GJA5: variants seen among roughly 807,000 people sequenced by gnomAD.
GJA5 encodes gap junction alpha-5 protein.
In GJA5, 3 loss-of-function variants were observed where a neutral mutation model predicts 7.9. The observed-to-expected ratio is 0.38, with a 90% CI of 0.17 to 0.99. The LOEUF is 0.99. Among genes scored for constraint, GJA5 ranks in the 50% least tolerant of loss-of-function variants. The pLI is 0.38. For missense variants in GJA5, 390 were observed against 457.9 expected (o/e 0.85, Z 1.35); for synonymous variants, 193 against 181.0 (o/e 1.07, Z -0.53).
intron 1 of GJA5, among the ~76,000 whole-genome samples, chr1:147,768,492 G>A (rs1218518093): frequency 6.6e-6 from 1 of 152,022 alleles, no homozygotes; most frequent in African/African-American, 2.4e-5. Flanking sequence ...TGCTCCAAGG[G>A]GGTAACTTAG....
At position 147,759,185 on chromosome 1, in the gene GJA5, C is replaced by T. The variant is rs1426951446; in HGVS notation, c.54G>A (p.Ser18=). Residue 18 remains serine, a synonymous_variant, in exon 2 of 2, where the codon TCG becomes TCA. Transcript: ENST00000579774. ...GNFLEEVHKH[S]TVVGKVWLTV... ...TGAGCCAGACCTTGCCTACCACGGT[C>T]GAGTGCTTGTGTACTTCCTCCAGGA... 1.2e-6 allele frequency: 2 copies of T among 1,614,108 alleles called. No individual in the cohort carries two copies. The highest frequency in any genetic ancestry group is 8.5e-7 in the Non-Finnish European group (1 of 1,179,998).
intron 1 of GJA5, among the ~76,000 whole-genome samples, chr1:147,760,268 T>C (rs964402978): frequency 7.9e-5 from 12 of 152,194 alleles, no homozygotes; most frequent in African/African-American, 2.7e-4. Context: ...CTCCCTCATC[T>C]GGCCTTTGTC....
chr1:147,762,668 G>T (rs1296045031), upstream of GJA5, among the ~76,000 whole-genome samples: 1 of 152,186 alleles, frequency 6.6e-6, no homozygotes, highest in Non-Finnish European at 1.5e-5. Context: ...ATGACTTCCT[G>T]CTGACGCTCA....
At chr1:147,767,566 T>TA (rs1253811174) in intron 1 of GJA5, among the ~76,000 whole-genome samples, 1 of 149,830 alleles carries the variant, frequency 6.7e-6, no homozygotes, top group Non-Finnish European at 1.5e-5. Flanking sequence ...TTTTGTTATT[T>TA]TTTTTTTTTT....
In GJA5 at chr1:147,771,092, C is replaced by T. The variant is rs75381734; in HGVS notation, c.-34+2160G>A. Among the ~76,000 whole-genome samples the T allele has an allele frequency of 8.3e-3, 1,262 of 152,306 alleles. 3 individuals are homozygous for T. Among genetic ancestry groups the T allele is most frequent in the Non-Finnish European group, 0.014 (950 of 68,038 alleles). On this transcript the variant is annotated intron_variant, in intron 1 of 1. Transcript: ENST00000430508. ...CCTGTCCCTGAAAACGGCAGGTCAT[C>T]CAGTTCCTGTCCTGATTGATCCACA...
chr1:147,758,868 TCG>T lies in GJA5; in HGVS notation c.369_370del (p.Tyr123Ter), dbSNP rs782626477. On this transcript the variant is annotated stop_gained and frameshift_variant, in exon 2 of 2. Transcript: ENST00000579774. LOFTEE classifies it low-confidence loss of function (END_TRUNC). The stretch of plus-strand genomic sequence containing the variant: ...TTCTGCCTTCTCTGCCACCGGGTAC[TCG>T]TAAGAGCCAGAGCCCCGGACCTCTT... The T allele has an allele frequency of 3.1e-6, 5 of 1,614,218 alleles. No homozygotes were observed. Among genetic ancestry groups the T allele is most frequent in the Non-Finnish European group, 4.2e-6 (5 of 1,180,024 alleles).
rs1557941135 is a variant in GJA5 at position 147,756,909 on chromosome 1, G to A, written c.*1253C>T. The A allele has an allele frequency of 6.6e-6, 1 of 152,224 alleles. No homozygotes were observed. Among genetic ancestry groups the A allele is most frequent in the East Asian group, 1.9e-4 (1 of 5,160 alleles). The allele number at this position is 152,224 out of a possible 1,614,324, so 9.4% of individuals were successfully genotyped here. On this transcript the variant is annotated 3_prime_UTR_variant, in exon 2 of 2. Transcript: ENST00000579774. The stretch of plus-strand genomic sequence containing the variant: ...TCATTAGGGGCACTAGGGAGACATA[G>A]GAATCTCTGCGCTCTTTAAATAAAG...
rs1663859146 is a variant in GJA5 at position 147,758,870 on chromosome 1, G to GT, written c.368dup (p.Tyr123Ter). ...RAKEVRGSGS[Y>*]EYPVAEKAEL... ...CTGCCTTCTCTGCCACCGGGTACTC[G>GT]TAAGAGCCAGAGCCCCGGACCTCTT... The change falls in exon 2 of 2, where the codon TAC (tyrosine) becomes TAAC (stop). Residue 123 changes from tyrosine to a stop codon, truncating the protein, a stop_gained and frameshift_variant. Transcript: ENST00000579774. LOFTEE classifies it low-confidence loss of function (END_TRUNC). The GT allele has an allele frequency of 7.4e-6, 12 of 1,614,156 alleles. No individual in the cohort carries two copies. The highest frequency in any genetic ancestry group is 9.3e-6 in the Non-Finnish European group (11 of 1,180,012).
intron 1 of GJA5, among the ~76,000 whole-genome samples, chr1:147,766,933 G>T (rs1664225066): frequency 6.6e-6 from 1 of 152,182 alleles, no homozygotes; most frequent in Admixed American, 6.5e-5. Flanking sequence ...GGCTGCCTGA[G>T]AAATAGTATC....
At chr1:147,766,666 C>G (rs1319977987) in intron 1 of GJA5, among the ~76,000 whole-genome samples, 1 of 152,200 alleles carries the variant, frequency 6.6e-6, no homozygotes, top group Non-Finnish European at 1.5e-5. Context: ...GGAACTTATC[C>G]AAGCTTGTCA....
At chr1:147,760,201 C>G (rs1663944613) in intron 1 of GJA5, among the ~76,000 whole-genome samples, 2 of 152,176 alleles carry the variant, frequency 1.3e-5, no homozygotes, top group South Asian at 4.1e-4. Flanking sequence ...ACACACAGAT[C>G]TGCCCACCCT....
At chr1:147,766,345 C>T (rs1328355215) in intron 1 of GJA5, among the ~76,000 whole-genome samples, 1 of 152,122 alleles carries the variant, frequency 6.6e-6, no homozygotes, top group Admixed American at 6.5e-5. Context: ...TTAGGTCTCT[C>T]AAAACACCTA....
chr1:147,766,951 T>TG (rs1276003223), intron 1 of GJA5, among the ~76,000 whole-genome samples: 1 of 152,218 alleles, frequency 6.6e-6, no homozygotes, highest in Non-Finnish European at 1.5e-5. Context: ...ATCATATCAG[T>TG]GCAGTTTAGT....
At chr1:147,772,886 G>T (rs1664466104) in intron 1 of GJA5, among the ~76,000 whole-genome samples, 1 of 151,848 alleles carries the variant, frequency 6.6e-6, no homozygotes, top group African/African-American at 2.4e-5. Flanking sequence ...AACAGTGTTG[G>T]TTTTATTTTT....
chr1:147,765,376 T>G (rs1003449598), upstream of GJA5, among the ~76,000 whole-genome samples: 3 of 152,210 alleles, frequency 2.0e-5, no homozygotes, highest in Admixed American at 6.5e-5. Context: ...TTCCAGAGTT[T>G]CTGTTCAAGT....
upstream of GJA5, among the ~76,000 whole-genome samples, chr1:147,760,998 C>G (rs1663986730): frequency 6.6e-6 from 1 of 152,146 alleles, no homozygotes; most frequent in Non-Finnish European, 1.5e-5. Context: ...TCACTTAGCC[C>G]CACCGCTTCC....
In GJA5 at chr1:147,768,623, A is replaced by T. The variant is rs189650290; in HGVS notation, c.-34+4629T>A. Among the ~76,000 whole-genome samples the T allele has an allele frequency of 2.8e-4, 43 of 152,294 alleles. 1 individual carries two copies. In the East Asian group the frequency reaches 6.4e-3, roughly 23 times the overall value. On this transcript the variant is annotated intron_variant, in intron 1 of 1. Transcript: ENST00000430508. ...CGGAATGTAGAGATCAATCAAACTC[A>T]ACTCCTTATTTTTAAACAAGATGAC...
At position 147,759,016 on chromosome 1, in the gene GJA5, T is replaced by C; in HGVS notation, c.223A>G (p.Ile75Val). The change falls in exon 2 of 2, where the codon ATT becomes GTT. Residue 75 changes from isoleucine to valine, a missense_variant. This residue lies in a region of GJA5 where 354 missense variants were observed against 370.9 expected (regional missense o/e 0.95). Coordinates refer to ENST00000579774, the MANE Select transcript of GJA5 (RefSeq NM_181703.4). ...CYDQAFPISH[I>V]RYWVLQIIFV... The stretch of plus-strand genomic sequence containing the variant: ...ATGATCTGCAGCACCCAGTAGCGAA[T>C]GTGGGAGATGGGGAAAGCCTGGTCG... The C allele has an allele frequency of 6.2e-7, 1 of 1,614,168 alleles. No homozygotes were observed. Among genetic ancestry groups the C allele is most frequent in the Non-Finnish European group, 8.5e-7 (1 of 1,180,018 alleles).
chr1:147,763,198 T>C (rs1664083015), upstream of GJA5, among the ~76,000 whole-genome samples: 1 of 152,234 alleles, frequency 6.6e-6, no homozygotes, highest in Admixed American at 6.5e-5. Context: ...TTTTTAAAAT[T>C]CATTTAATAC....
Sources: gnomAD v4.1 joint callset for allele counts (sites outside exome capture counted in the v4.1 genomes callset) on GRCh38, gnomAD v4.1.1 for gene constraint, gnomAD v4.1.1 regional missense constraint, MANE v1.5 for transcripts, NCBI Gene and HGNC (gene_info 2026-07-23, HGNC 2026-07-21) for gene names.